The following PSPC1 variants were observed in gnomAD, a reference collection of about 807,000 sequenced individuals.
The protein encoded by PSPC1 is paraspeckle protein 1.
PSPC1 carries 14 observed loss-of-function variants against 51.6 expected under a neutral mutation model. That is an observed-to-expected ratio of 0.27 (90% CI 0.18 to 0.42). PSPC1 has a LOEUF of 0.42. PSPC1 is among the 10% of genes least tolerant of loss of function. The pLI is 1.00. For missense variants in PSPC1, 406 were observed against 701.1 expected, an observed-to-expected ratio of 0.58 and a Z score of 4.75; for synonymous variants, 193 against 231.9, an observed-to-expected ratio of 0.83 and a Z score of 1.53.
At chr13:19,694,476 G>A (rs1349647478) in intron 6 of PSPC1, among the ~76,000 whole-genome samples, 1 of 151,878 alleles carries the variant, frequency 6.6e-6, no homozygotes, top group African/African-American at 2.4e-5. Flanking sequence ...TTATCACTTC[G>A]GCATATGCCA....
chr13:19,752,639 G>T (rs1886677839), intron 3 of PSPC1, among the ~76,000 whole-genome samples: 1 of 151,624 alleles, frequency 6.6e-6, no homozygotes, highest in African/African-American at 2.4e-5. Flanking sequence ...AGGCTGGAGT[G>T]CAATGGTATA....
At chr13:19,694,122 C>CAAA (rs71092389) in intron 6 of PSPC1, among the ~76,000 whole-genome samples, 12 of 47,472 alleles carry the variant, frequency 2.5e-4, no homozygotes, top group African/African-American at 1.0e-3. Flanking sequence ...GACTCCATCT[C>CAAA]AAAAAAAAAA....
intron 4 of PSPC1, among the ~76,000 whole-genome samples, chr13:19,747,420 C>T (rs1886106603): frequency 1.3e-5 from 2 of 152,138 alleles, no homozygotes; most frequent in African/African-American, 4.8e-5. Flanking sequence ...CAGCCTCAAG[C>T]TCCCAGGCTC....
intron 6 of PSPC1, among the ~76,000 whole-genome samples, chr13:19,696,007 C>A (rs1593548628): frequency 6.6e-6 from 1 of 152,014 alleles, no homozygotes; most frequent in East Asian, 1.9e-4. Flanking sequence ...TGTCGTAGAC[C>A]TGGGCCTCCA....
At position 19,764,742 on chromosome 13, in the gene PSPC1, T is replaced by G. The variant is rs575958579; in HGVS notation, c.675-5324A>C. ...AATGCAATATTTTGCACATGTAATTTCTTTTTTTTGAGACAGGGTCTTGTT... is the reference window on the plus strand; with the variant it reads ...AATGCAATATTTTGCACATGTAATTGCTTTTTTTTGAGACAGGGTCTTGTT... On this transcript the variant is annotated intron_variant, in intron 2 of 8. Transcript: ENST00000338910. 2.0e-5 allele frequency among the ~76,000 whole-genome samples: 3 copies of G among 149,856 alleles called. No homozygotes were observed. The East Asian group carries it at 5.9e-4, about 29-fold the overall frequency.
chr13:19,721,043 T>C (rs1162429304), intron 6 of PSPC1, among the ~76,000 whole-genome samples: 1 of 148,462 alleles, frequency 6.7e-6, no homozygotes, highest in Non-Finnish European at 1.5e-5. Context: ...ATAGACATTA[T>C]AATTTTTTAG....
chr13:19,672,788 C>T (rs2137550986), downstream of PSPC1: 1 of 250,056 alleles, frequency 4.0e-6, no homozygotes, highest in South Asian at 5.3e-5. Flanking sequence ...CACTATGAGA[C>T]CTAAAAGAGA....
rs755170644 is a variant in PSPC1 at position 19,772,424 on chromosome 13, A to C, written c.492T>G (p.Ser164=). The part of the protein sequence containing the change: ...HGAALTVKNL[S]PVVSNELLEQ... Reference sequence around the variant, plus strand: ...CTAGCAGCTCATTGGAAACAACTGGAGAAAGGTTCTTGACAGTCAAGGCTG... The same window carrying C: ...CTAGCAGCTCATTGGAAACAACTGGCGAAAGGTTCTTGACAGTCAAGGCTG... The change falls in exon 2 of 9, where the codon TCT becomes TCG. Residue 164 remains serine (S), a synonymous_variant. Transcript: ENST00000338910. 1.2e-6 allele frequency: 2 copies of C among 1,614,226 alleles called. No individual in the cohort carries two copies. Among genetic ancestry groups the C allele is most frequent in the Admixed American group, 3.3e-5 (2 of 60,018 alleles).
chr13:19,781,448 G>C (rs1889960664), intron 1 of PSPC1, among the ~76,000 whole-genome samples: 3 of 152,134 alleles, frequency 2.0e-5, no homozygotes, highest in Admixed American at 2.0e-4. Context: ...GATTAAAAGA[G>C]AGTAAGCTAT....
intron 4 of PSPC1, among the ~76,000 whole-genome samples, chr13:19,746,397 G>A (rs184713421): frequency 1.6e-3 from 230 of 146,388 alleles, no homozygotes; most frequent in Admixed American, 4.4e-3. Context: ...GCGAGACTCC[G>A]TCTCTAAATA....
chr13:19,767,967 C>T (rs1009638235), intron 2 of PSPC1, among the ~76,000 whole-genome samples: 4 of 152,022 alleles, frequency 2.6e-5, no homozygotes, highest in African/African-American at 9.7e-5. Context: ...CCTGTAATTC[C>T]AGCACTTTGG....
chr13:19,708,436 A>C (rs372877129), intron 7 of PSPC1, among the ~76,000 whole-genome samples: 24 of 152,312 alleles, frequency 1.6e-4, no homozygotes, highest in East Asian at 1.9e-4. Flanking sequence ...CAATTAATTT[A>C]ATAAAATTTA....
At chr13:19,736,386 A>G (rs1884786741) in intron 5 of PSPC1, among the ~76,000 whole-genome samples, 1 of 152,104 alleles carries the variant, frequency 6.6e-6, no homozygotes, top group Non-Finnish European at 1.5e-5. Context: ...TCACGCAATA[A>G]AAAATTACAT....
At chr13:19,705,852 T>A (rs1482184605) in intron 7 of PSPC1, 21 bp from the exon 8 acceptor site, 2 of 1,570,610 alleles carry the variant, frequency 1.3e-6, no homozygotes, top group African/African-American at 2.7e-5. Flanking sequence ...CAATCTATAC[T>A]TAGAGCTGTC....
At chr13:19,748,449 A>C (rs1886207704) in intron 4 of PSPC1, among the ~76,000 whole-genome samples, 1 of 152,176 alleles carries the variant, frequency 6.6e-6, no homozygotes, top group Non-Finnish European at 1.5e-5. Context: ...CTTTAAATGA[A>C]CACACACGAT....
intron 6 of PSPC1, among the ~76,000 whole-genome samples, chr13:19,721,981 C>A (rs1244883601): frequency 6.6e-6 from 1 of 152,182 alleles, no homozygotes; most frequent in Non-Finnish European, 1.5e-5. Context: ...ATGCCAAGGT[C>A]TAGTGATCCA....
At chr13:19,745,881 A>C (rs1407490734) in intron 4 of PSPC1, among the ~76,000 whole-genome samples, 1 of 152,064 alleles carries the variant, frequency 6.6e-6, no homozygotes, top group Non-Finnish European at 1.5e-5. Context: ...CATAAACCTC[A>C]CATGTATTTA....
intron 2 of PSPC1, 25 bp from the exon 3 acceptor site, chr13:19,759,443 AAAAATT>A: frequency 6.6e-7 from 1 of 1,507,000 alleles, no homozygotes; most frequent in Non-Finnish European, 9.2e-7. Context: ...AAGCATTCAT[AAAAATT>A]AACACAGTGC....
At chr13:19,707,072 G>A (rs746693703) in intron 7 of PSPC1, among the ~76,000 whole-genome samples, 9 of 152,038 alleles carry the variant, frequency 5.9e-5, no homozygotes, top group Admixed American at 1.3e-4. Context: ...GTATCTAAGA[G>A]GCGTCTTACC....
Sources: gnomAD v4.1 joint callset for allele counts (sites outside exome capture counted in the v4.1 genomes callset) on GRCh38, gnomAD v4.1.1 for gene constraint, MANE v1.5 for transcripts, NCBI Gene and HGNC (gene_info 2026-07-23, HGNC 2026-07-21) for gene names.